Variants in INO80 observed in about 807,000 individuals in gnomAD.
INO80 encodes chromatin-remodeling ATPase INO80.
In INO80, 20 loss-of-function variants were observed where a neutral mutation model predicts 203.4. The ratio of observed to expected loss-of-function variants is 0.10; its 90% CI spans 0.07 to 0.14. The LOEUF is 0.14. Ranked by LOEUF, INO80 falls within the 10% of genes least tolerant of loss-of-function variation. The pLI, the probability that INO80 is intolerant of heterozygous loss-of-function variation, is 1.00. For missense variants in INO80, 1,419 were observed against 1,914.4 expected, an observed-to-expected ratio of 0.74 and a Z score of 4.83; for synonymous variants, 726 against 685.2, an observed-to-expected ratio of 1.06 and a Z score of -0.93.
At chr15:41,001,465 G>GA (rs1364634723) in intron 28 of INO80, among the ~76,000 whole-genome samples, 55 of 152,320 alleles carry the variant, frequency 3.6e-4, no homozygotes, top group African/African-American at 1.2e-3. Context: ...AGACAACTGT[G>GA]AATCTCTACA....
chr15:41,018,839 A>G (rs1264809863), intron 26 of INO80: 1 of 152,212 alleles, frequency 6.6e-6, no homozygotes, highest in Non-Finnish European at 1.5e-5. Flanking sequence ...CTGGAAATCC[A>G]GCTGATTCTG....
At chr15:41,037,004 G>A (rs2140502238) in intron 24 of INO80, among the ~76,000 whole-genome samples, 1 of 152,298 alleles carries the variant, frequency 6.6e-6, no homozygotes, top group Non-Finnish European at 1.5e-5. Context: ...TTGGGAGGCT[G>A]AGGCAAGAGA....
At position 41,070,564 on chromosome 15, in the gene INO80, C is replaced by T. The variant is rs1237871812; in HGVS notation, c.1606-17G>A. ...ATTAATACCCTGGGGAAAAAAAATA[C>T]ATGGTCAACACCTCATGCATTTCAT... On this transcript the variant is annotated splice_polypyrimidine_tract_variant and intron_variant, in intron 12 of 35. Coordinates refer to ENST00000648947, the MANE Select transcript of INO80 (RefSeq NM_017553.3). The T allele has an allele frequency of 6.3e-7, 1 of 1,584,816 alleles. No homozygotes were observed. Among genetic ancestry groups the T allele is most frequent in the South Asian group, 1.1e-5 (1 of 90,456 alleles).
chr15:41,038,928 T>C (rs953473145), intron 24 of INO80, among the ~76,000 whole-genome samples: 1 of 152,212 alleles, frequency 6.6e-6, no homozygotes, highest in African/African-American at 2.4e-5. Context: ...CTACCAACAC[T>C]TGACCCCGAG....
chr15:41,083,083 C>T (rs541772120), intron 7 of INO80, among the ~76,000 whole-genome samples: 32 of 151,960 alleles, frequency 2.1e-4, no homozygotes, highest in Middle Eastern at 3.4e-3. Context: ...AAGATCGAGA[C>T]CAGCCTGGCT....
chr15:41,032,023 C>CACAGG (rs1566919677), intron 24 of INO80, among the ~76,000 whole-genome samples: 9 of 82,630 alleles, frequency 1.1e-4, no homozygotes, highest in South Asian at 1.1e-3. Flanking sequence ...CACAGCACAG[C>CACAGG]ACAGCACAGC....
At chr15:41,063,688 T>G (rs887238444) in intron 14 of INO80, among the ~76,000 whole-genome samples, 1 of 151,888 alleles carries the variant, frequency 6.6e-6, no homozygotes, top group African/African-American at 2.4e-5. Context: ...ACAGAATTGC[T>G]TGAACCCTGG....
At chr15:41,005,998 T>C (rs1193487072) in intron 27 of INO80, among the ~76,000 whole-genome samples, 1 of 149,370 alleles carries the variant, frequency 6.7e-6, no homozygotes, top group East Asian at 2.0e-4. Context: ...ACCAAAATAG[T>C]TTTTCAGTCA....
intron 24 of INO80, among the ~76,000 whole-genome samples, chr15:41,039,709 T>C (rs2044639249): frequency 6.6e-6 from 1 of 152,192 alleles, no homozygotes; most frequent in Admixed American, 6.5e-5. Context: ...TACAAATCCA[T>C]GCCCTCCACG....
chr15:41,088,638 T>G (rs1432249049), intron 5 of INO80, among the ~76,000 whole-genome samples: 1 of 152,206 alleles, frequency 6.6e-6, no homozygotes, highest in Non-Finnish European at 1.5e-5. Context: ...AAATCTCATA[T>G]TAATTTTGTT....
chr15:40,983,152 C>T, intron 34 of INO80, 75 bp from the exon 35 acceptor site: 1 of 1,245,904 alleles, frequency 8.0e-7, no homozygotes, highest in Non-Finnish European at 1.1e-6. Flanking sequence ...ATCACCTTCT[C>T]CTGACAGGGA....
chr15:41,095,817 A>C lies in INO80; in HGVS notation c.255T>G (p.Ser85=), dbSNP rs762535840. The part of the protein sequence containing the change: ...EPPNSLLGET[S]GAGSSGMLNT... ...TTAACATTCCAGAACTGCCTGCTCC[A>C]GAAGTTTCACCAAGCAATGAATTTG... The change falls in exon 3 of 36, where the codon TCT becomes TCG. Residue 85 remains serine, a synonymous_variant. Transcript: ENST00000648947. 6.2e-7 allele frequency: 1 copy of C among 1,614,198 alleles called. No homozygotes were observed. The highest frequency in any genetic ancestry group is 2.2e-5 in the East Asian group (1 of 44,878).
intron 9 of INO80, among the ~76,000 whole-genome samples, chr15:41,078,643 A>G (rs1464478411): frequency 6.6e-6 from 1 of 152,210 alleles, no homozygotes; most frequent in Non-Finnish European, 1.5e-5. Flanking sequence ...ATGAGTTACT[A>G]CATATACCTG....
chr15:41,080,030 C>A, intron 8 of INO80, 126 bp from the exon 9 acceptor site: 1 of 768,540 alleles, frequency 1.3e-6, no homozygotes, highest in Non-Finnish European at 2.2e-6. Flanking sequence ...CATCTTTCTC[C>A]TGCAACTTGA....
intron 19 of INO80, 121 bp downstream of exon 19, chr15:41,053,808 G>A: frequency 1.6e-6 from 1 of 627,848 alleles, no homozygotes; most frequent in Non-Finnish European, 2.7e-6. Flanking sequence ...TTTGATCCAT[G>A]CAAGTTTAAA....
At chr15:41,087,740 C>T (rs1485315940) in intron 5 of INO80, 58 bp from the exon 6 acceptor site, 28 of 1,548,076 alleles carry the variant, frequency 1.8e-5, no homozygotes, top group Middle Eastern at 1.7e-4. Context: ...TTCAAATTAC[C>T]TTTACTACAG....
intron 25 of INO80, chr15:41,023,211 A>C (rs930252213): frequency 3.8e-5 from 17 of 451,808 alleles, no homozygotes; most frequent in Admixed American, 1.7e-4. Context: ...GGACCAAAAG[A>C]AAGCAAATAA....
intron 27 of INO80, among the ~76,000 whole-genome samples, chr15:41,006,292 TAGAG>T (rs898594768): frequency 2.6e-4 from 39 of 152,306 alleles, no homozygotes; most frequent in African/African-American, 9.4e-4. Context: ...AAAGATACAA[TAGAG>T]AGACTGCCTC....
In INO80 at chr15:41,041,834, C is replaced by CTT. The variant is rs35077430; in HGVS notation, c.2907+3068_2907+3069dup. On this transcript the variant is annotated intron_variant, in intron 24 of 35. Transcript: ENST00000648947. Reference sequence around the variant, plus strand: ...TTGCTTGGCTGAAAGGAAAGATTTCCTTTTTTTTTTTTTTTTTTGAGGCAG... The same window carrying CTT: ...TTGCTTGGCTGAAAGGAAAGATTTCCTTTTTTTTTTTTTTTTTTTTGAGGCAG... Among the ~76,000 whole-genome samples, 517 of 123,652 alleles carry CTT rather than the reference C, an allele frequency of 4.2e-3. 6 individuals are homozygous for CTT. The highest frequency in any genetic ancestry group is 0.018 in the East Asian group (74 of 4,126). 81.1% of individuals were successfully genotyped at this position (123,652 alleles called of 152,430 possible).
Sources: allele counts gnomAD v4.1 joint callset (sites outside exome capture counted in the v4.1 genomes callset), GRCh38; gene constraint gnomAD v4.1.1; transcripts MANE v1.5; gene names NCBI Gene and HGNC (gene_info 2026-07-23, HGNC 2026-07-21).